The following NPPC variants were observed in gnomAD, a reference collection of about 807,000 sequenced individuals.
The protein encoded by NPPC is C-type natriuretic peptide.
Under a neutral mutation model 10.2 loss-of-function variants are expected in NPPC, and 4 were observed. That is an observed-to-expected ratio of 0.39 (90% CI 0.19 to 0.90). The LOEUF is 0.90. Ranked by LOEUF, NPPC falls within the 40% of genes least tolerant of loss-of-function variation. The pLI, the probability that NPPC is intolerant of heterozygous loss-of-function variation, is 0.37. For missense variants in NPPC, 182 were observed against 173.8 expected, an observed-to-expected ratio of 1.05 and a Z score of -0.26; for synonymous variants, 83 against 87.3, an observed-to-expected ratio of 0.95 and a Z score of 0.27.
chr2:231,925,464 C>G lies in NPPC; in HGVS notation c.342G>C (p.Lys114Asn). Residue 114 changes from lysine to asparagine, a missense_variant, in exon 2 of 3, where the codon AAG becomes AAC. Lys to Asn is a moderately conservative substitution (Grantham distance 94, BLOSUM62 0). Coordinates refer to ENST00000409852, the MANE Select transcript of NPPC (RefSeq NM_024409.4). ...KGLSKGCFGL[K>N]LDRIGSMSGL... Reference sequence around the variant, plus strand: ...CGCTCATGGAGCCGATTCGGTCCAGCTTGAGGCCGAAGCAGCCCTTGGACA... The same window carrying G: ...CGCTCATGGAGCCGATTCGGTCCAGGTTGAGGCCGAAGCAGCCCTTGGACA... The G allele has an allele frequency of 1.2e-6, 2 of 1,612,240 alleles. No individual in the cohort carries two copies. The highest frequency in any genetic ancestry group is 1.7e-6 in the Non-Finnish European group (2 of 1,179,384).
chr2:231,922,982 G>A (rs1691950092), intron 2 of NPPC, among the ~76,000 whole-genome samples: 1 of 152,222 alleles, frequency 6.6e-6, no homozygotes, highest in African/African-American at 2.4e-5. Context: ...CCCTTCAGGA[G>A]CAGAGGAAAT....
intron 2 of NPPC, among the ~76,000 whole-genome samples, chr2:231,923,263 T>C (rs1391571660): frequency 1.3e-5 from 2 of 152,206 alleles, no homozygotes; most frequent in African/African-American, 4.8e-5. Context: ...GGGCAAAGTG[T>C]TCATTCAGGT....
At position 231,926,287 on chromosome 2, in the gene NPPC, C is replaced by A; in HGVS notation, c.-38G>T. The A allele has an allele frequency of 8.0e-7, 1 of 1,250,966 alleles. No individual in the cohort carries two copies. The highest frequency in any genetic ancestry group is 3.2e-5 in the South Asian group (1 of 31,732). The allele number at this position is 1,250,966 out of a possible 1,614,324, so 77.5% of individuals were successfully genotyped here. A position where few individuals can be genotyped will look rare whatever the true frequency, so the allele number is the denominator to read the frequency against. The stretch of plus-strand genomic sequence containing the variant: ...GTCGAGGGGCGCACACGGGCGGCAG[C>A]GAGGGCGCGCAGGTCGGCGGGCAGA... On this transcript the variant is annotated 5_prime_UTR_variant, in exon 1 of 3. Coordinates refer to ENST00000409852, the MANE Select transcript of NPPC (RefSeq NM_024409.4).
intron 2 of NPPC, 40 bp downstream of exon 2, chr2:231,925,365 G>A (rs1362976955): frequency 6.9e-7 from 1 of 1,448,012 alleles, no homozygotes; most frequent in Non-Finnish European, 9.1e-7. Flanking sequence ...GGGCGGTCCC[G>A]GGCCGGGCTG....
chr2:231,925,629 G>GC lies in NPPC; in HGVS notation c.176dup (p.Gly60ArgfsTer84). The GC allele has an allele frequency of 6.2e-7, 1 of 1,607,410 alleles. No individual in the cohort carries two copies. On this transcript the variant is annotated frameshift_variant, in exon 2 of 3. Coordinates refer to ENST00000409852, the MANE Select transcript of NPPC (RefSeq NM_024409.4). LOFTEE classifies it high-confidence loss of function. ...GGTCGCCCTTGAGATTGGCGCCCCCGCCCCCGGGAGCCTTGTCGCCCTTCT... is the reference window on the plus strand; with the variant it reads ...GGTCGCCCTTGAGATTGGCGCCCCCGCCCCCCGGGAGCCTTGTCGCCCTTCT...
intron 2 of NPPC, among the ~76,000 whole-genome samples, chr2:231,923,812 G>A (rs926104134): frequency 2.0e-5 from 3 of 152,224 alleles, no homozygotes; most frequent in Non-Finnish European, 4.4e-5. Context: ...AAGCCCCTGT[G>A]GGGATGCGCA....
chr2:231,926,270 G>A lies in NPPC; in HGVS notation c.-21C>T, dbSNP rs1692007694. ...TGCATGGTGCCGCTGGGGTCGAGGG[G>A]CGCACACGGGCGGCAGCGAGGGCGC... On this transcript the variant is annotated 5_prime_UTR_variant, in exon 1 of 3. Coordinates refer to ENST00000409852, the MANE Select transcript of NPPC (RefSeq NM_024409.4). 1.6e-6 allele frequency: 2 copies of A among 1,276,182 alleles called. No homozygotes were observed. Among genetic ancestry groups the A allele is most frequent in the African/African-American group, 3.1e-5 (2 of 64,858 alleles). 79.1% of individuals were successfully genotyped at this position (1,276,182 alleles called of 1,614,324 possible).
At chr2:231,923,026 T>C (rs1160870688) in intron 2 of NPPC, among the ~76,000 whole-genome samples, 1 of 152,216 alleles carries the variant, frequency 6.6e-6, no homozygotes, top group East Asian at 1.9e-4. Flanking sequence ...AAATGCACAG[T>C]CATGGGCTCT....
chr2:231,926,094 C>G (rs929403321), intron 1 of NPPC, 66 bp downstream of exon 1: 6 of 1,149,490 alleles, frequency 5.2e-6, no homozygotes, highest in Non-Finnish European at 6.7e-6. Flanking sequence ...TCCTGCGCGC[C>G]GCATTCTCCA....
In NPPC at chr2:231,926,234, G is replaced by A; in HGVS notation, c.16C>T (p.Leu6=). 7.6e-7 allele frequency: 1 copy of A among 1,323,578 alleles called. No homozygotes were observed. Among genetic ancestry groups the A allele is most frequent in the South Asian group, 2.3e-5 (1 of 44,322 alleles). 82.0% of individuals were successfully genotyped at this position (1,323,578 alleles called of 1,614,324 possible). Residue 6 remains leucine (L), a synonymous_variant, in exon 1 of 3, where the codon CTG becomes TTG. Transcript: ENST00000409852. ...GTGAGCAGCAGGGCGCAGGCCAGCA[G>A]CTGGGAGAGATGCATGGTGCCGCTG... The part of the protein sequence containing the change: MHLSQ[L]LACALLLTLL...
intron 2 of NPPC, among the ~76,000 whole-genome samples, 178 bp from the exon 3 acceptor site, chr2:231,922,493 G>C (rs547512346): frequency 6.6e-6 from 1 of 151,610 alleles, no homozygotes; most frequent in Non-Finnish European, 1.5e-5. Context: ...CCCCCATTGC[G>C]CACTCCCCAG....
intron 2 of NPPC, 89 bp downstream of exon 2, chr2:231,925,316 A>G: frequency 1.7e-6 from 2 of 1,163,268 alleles, no homozygotes; most frequent in Non-Finnish European, 2.3e-6. Flanking sequence ...CAACTTGAGC[A>G]AAGGCGGCTC....
At chr2:231,926,061 G>A in intron 1 of NPPC, 99 bp downstream of exon 1, 1 of 977,378 alleles carries the variant, frequency 1.0e-6, no homozygotes, top group Non-Finnish European at 1.4e-6. Flanking sequence ...GGAGACAGCC[G>A]CCTGCCTTCC....
chr2:231,926,367 G>C lies in NPPC; in HGVS notation c.-118C>G. 8 of 575,684 alleles carry C rather than the reference G, an allele frequency of 1.4e-5. No homozygotes were observed. Among genetic ancestry groups the C allele is most frequent in the Non-Finnish European group, 2.1e-5 (8 of 388,866 alleles). The allele number at this position is 575,684 out of a possible 1,614,324, so 35.7% of individuals were successfully genotyped here. On this transcript the variant is annotated 5_prime_UTR_variant, in exon 1 of 3. Transcript: ENST00000409852. ...GGGCTGCAGGGCGAGCAGGGTCCCA[G>C]TGCTGCGCGGCGCCGGCTGGGTGCG...
intron 1 of NPPC, among the ~76,000 whole-genome samples, 179 bp from the exon 2 acceptor site, chr2:231,925,894 C>G (rs572508782): frequency 1.3e-5 from 2 of 152,322 alleles, no homozygotes; most frequent in East Asian, 3.9e-4. Flanking sequence ...TTCGCCGCTC[C>G]CTCCGGAAGC....
Position 231,926,264 on chromosome 2 carries a change from C to T in NPPC, c.-15G>A. On this transcript the variant is annotated 5_prime_UTR_variant, in exon 1 of 3. Coordinates refer to ENST00000409852, the MANE Select transcript of NPPC (RefSeq NM_024409.4). ...GAGAGATGCATGGTGCCGCTGGGGT[C>T]GAGGGGCGCACACGGGCGGCAGCGA... 1 of 1,280,488 alleles carries T rather than the reference C, an allele frequency of 7.8e-7. No individual in the cohort carries two copies. The highest frequency in any genetic ancestry group is 2.8e-5 in the South Asian group (1 of 35,112). 79.3% of individuals were successfully genotyped at this position (1,280,488 alleles called of 1,614,324 possible).
intron 2 of NPPC, among the ~76,000 whole-genome samples, chr2:231,923,970 G>C: frequency 6.6e-6 from 1 of 152,246 alleles, no homozygotes; most frequent in East Asian, 1.9e-4. Flanking sequence ...GGCATTCCAA[G>C]GGTAGCTACT....
chr2:231,923,656 A>G (rs1691960956), intron 2 of NPPC, among the ~76,000 whole-genome samples: 1 of 152,232 alleles, frequency 6.6e-6, no homozygotes, highest in African/African-American at 2.4e-5. Flanking sequence ...GTGTTCATCT[A>G]TGCTAAGAGA....
chr2:231,925,464 C>T lies in NPPC; in HGVS notation c.342G>A (p.Lys114=). The part of the protein sequence containing the change: ...KGLSKGCFGL[K]LDRIGSMSGL... ...CGCTCATGGAGCCGATTCGGTCCAG[C>T]TTGAGGCCGAAGCAGCCCTTGGACA... Residue 114 remains lysine (K), a synonymous_variant, in exon 2 of 3, where the codon AAG becomes AAA. Transcript: ENST00000409852. 2 of 1,612,240 alleles carry T rather than the reference C, an allele frequency of 1.2e-6. No homozygotes were observed. The highest frequency in any genetic ancestry group is 1.7e-6 in the Non-Finnish European group (2 of 1,179,384).
Sources: allele counts gnomAD v4.1 joint callset (sites outside exome capture counted in the v4.1 genomes callset), GRCh38; gene constraint gnomAD v4.1.1; transcripts MANE v1.5; gene names NCBI Gene and HGNC (gene_info 2026-07-23, HGNC 2026-07-21).